JARID2: variants seen among roughly 807,000 people sequenced by gnomAD.
JARID2 encodes the protein protein Jumonji.
JARID2 carries 21 observed loss-of-function variants against 125.6 expected under a neutral mutation model. That is an observed-to-expected ratio of 0.17 (90% CI 0.12 to 0.24). JARID2 has a LOEUF of 0.24. Ranked by LOEUF, JARID2 falls within the 10% of genes least tolerant of loss-of-function variation. The pLI is 1.00. For missense variants in JARID2, 1,303 were observed against 1,639.6 expected (o/e 0.79, Z 3.55); for synonymous variants, 736 against 661.6 (o/e 1.11, Z -1.73).
chr6:15,490,249 A>G (rs1036106729), intron 6 of JARID2, among the ~76,000 whole-genome samples: 1 of 140,436 alleles, frequency 7.1e-6, no homozygotes, highest in African/African-American at 2.7e-5. Flanking sequence ...CATTTCAAAT[A>G]TGATATGTGG....
intron 1 of JARID2, among the ~76,000 whole-genome samples, chr6:15,317,852 A>G (rs553605193): frequency 5.9e-5 from 9 of 152,212 alleles, no homozygotes; most frequent in African/African-American, 1.7e-4. Context: ...TTGTTTCTTT[A>G]ATACCAGACC....
chr6:15,320,504 CTG>C (rs1345009108), intron 1 of JARID2, among the ~76,000 whole-genome samples: 3 of 152,136 alleles, frequency 2.0e-5, no homozygotes, highest in African/African-American at 7.2e-5. Context: ...GAAATGATGA[CTG>C]TTAATTATCA....
chr6:15,301,384 A>G lies in JARID2; in HGVS notation c.45+54800A>G, dbSNP rs561401504. The stretch of plus-strand genomic sequence containing the variant: ...TATACATTTTGGCTTGAAATCAGTC[A>G]TCAGTGTGATATTCAGAGGTTTACT... On this transcript the variant is annotated intron_variant, in intron 1 of 17. Coordinates refer to ENST00000341776, the MANE Select transcript of JARID2 (RefSeq NM_004973.4). Among the ~76,000 whole-genome samples the G allele has an allele frequency of 2.0e-5, 3 of 152,310 alleles. No individual in the cohort carries two copies. In the East Asian group the frequency reaches 5.8e-4, roughly 29 times the overall value.
intron 1 of JARID2, among the ~76,000 whole-genome samples, chr6:15,373,828 T>G (rs1321145027): frequency 6.6e-6 from 1 of 152,242 alleles, no homozygotes; most frequent in East Asian, 1.9e-4. Flanking sequence ...GTCAGGAATA[T>G]AAAACTATTA....
intron 8 of JARID2, among the ~76,000 whole-genome samples, chr6:15,504,269 A>G (rs1770888179): frequency 6.6e-6 from 1 of 152,238 alleles, no homozygotes; most frequent in Non-Finnish European, 1.5e-5. Flanking sequence ...CTGGCAGAAC[A>G]ATTTGGCCCT....
chr6:15,517,116 G>A, intron 16 of JARID2, 45 bp from the exon 17 acceptor site: 1 of 1,459,328 alleles, frequency 6.9e-7, no homozygotes, highest in South Asian at 1.1e-5. Flanking sequence ...CCAGGGCGCT[G>A]TGGAGCTGCC....
At chr6:15,424,929 C>G (rs1465053627) in intron 3 of JARID2, among the ~76,000 whole-genome samples, 8 of 152,184 alleles carry the variant, frequency 5.3e-5, no homozygotes, top group African/African-American at 1.9e-4. Context: ...ATGTGCTGTC[C>G]ACTTCCACTG....
intron 3 of JARID2, among the ~76,000 whole-genome samples, chr6:15,412,604 G>A (rs1276289827): frequency 1.3e-5 from 2 of 152,140 alleles, no homozygotes; most frequent in East Asian, 3.8e-4. Context: ...CACCCAGCAG[G>A]GCATGCATTT....
chr6:15,377,873 A>AT (rs1218573316), intron 2 of JARID2, among the ~76,000 whole-genome samples: 3 of 134,240 alleles, frequency 2.2e-5, no homozygotes, highest in East Asian at 2.2e-4. Flanking sequence ...TTTTTTTTCA[A>AT]TTTTTTTTCT....
intron 2 of JARID2, among the ~76,000 whole-genome samples, chr6:15,377,494 G>T (rs200259436): frequency 2.0e-5 from 3 of 151,988 alleles, no homozygotes; most frequent in South Asian, 2.1e-4. Context: ...GTGGTTTTTT[G>T]TGAGCCTGTC....
intron 1 of JARID2, chr6:15,247,375 G>C (rs1270278194): frequency 1.1e-6 from 1 of 937,574 alleles, no homozygotes; most frequent in Non-Finnish European, 1.3e-6. Flanking sequence ...GCATAGTACA[G>C]CTACGTTTTG....
chr6:15,401,301 G>C (rs1255472950), intron 2 of JARID2, among the ~76,000 whole-genome samples: 1 of 152,086 alleles, frequency 6.6e-6, no homozygotes, highest in Non-Finnish European at 1.5e-5. Flanking sequence ...AATTAATGTC[G>C]CTCTTAAAGC....
At chr6:15,438,851 G>A (rs1336769642) in intron 3 of JARID2, among the ~76,000 whole-genome samples, 1 of 152,154 alleles carries the variant, frequency 6.6e-6, no homozygotes, top group African/African-American at 2.4e-5. Context: ...GGGTAACATG[G>A]TGAAACCCTG....
intron 1 of JARID2, among the ~76,000 whole-genome samples, chr6:15,260,165 C>T (rs1017570693): frequency 2.0e-5 from 3 of 152,062 alleles, no homozygotes; most frequent in African/African-American, 7.2e-5. Context: ...ATTTAAATAC[C>T]AATGCAGTTT....
At chr6:15,394,666 T>C (rs1464019758) in intron 2 of JARID2, among the ~76,000 whole-genome samples, 2 of 152,208 alleles carry the variant, frequency 1.3e-5, no homozygotes, top group African/African-American at 4.8e-5. Context: ...TGGTAAATGT[T>C]ACCTTTGTAT....
At chr6:15,262,072 G>A (rs968392729) in intron 1 of JARID2, among the ~76,000 whole-genome samples, 16 of 151,816 alleles carry the variant, frequency 1.1e-4, no homozygotes, top group African/African-American at 3.4e-4. Context: ...GAGCCACCGC[G>A]CCCGGCCCAG....
At chr6:15,435,823 ATT>A (rs34822462) in intron 3 of JARID2, among the ~76,000 whole-genome samples, 2 of 146,918 alleles carry the variant, frequency 1.4e-5, no homozygotes, top group African/African-American at 2.5e-5. Context: ...TGAATTCCAA[ATT>A]TTTTTTTTTT....
chr6:15,270,802 A>G (rs1313775612), intron 1 of JARID2, among the ~76,000 whole-genome samples: 1 of 152,070 alleles, frequency 6.6e-6, no homozygotes, highest in East Asian at 1.9e-4. Flanking sequence ...AGAAAAAATT[A>G]TGGTGGTGCA....
At chr6:15,498,719 A>G (rs760866074) in intron 7 of JARID2, among the ~76,000 whole-genome samples, 19 of 152,242 alleles carry the variant, frequency 1.2e-4, no homozygotes, top group Non-Finnish European at 2.5e-4. Flanking sequence ...CCTGAGTGAC[A>G]GTCACCTTAA....
Sources: allele counts gnomAD v4.1 joint callset (sites outside exome capture counted in the v4.1 genomes callset), GRCh38; gene constraint gnomAD v4.1.1; transcripts MANE v1.5; gene names NCBI Gene and HGNC (gene_info 2026-07-23, HGNC 2026-07-21).